The following KCNT2 variants were observed in gnomAD, a reference collection of about 807,000 sequenced individuals.
The protein encoded by KCNT2 is potassium sodium-activated channel subfamily T member 2, also known as potassium channel subfamily T member 2.
KCNT2 carries 67 observed loss-of-function variants against 153.8 expected under a neutral mutation model. The observed-to-expected ratio is 0.44, with a 90% CI of 0.36 to 0.53. The LOEUF (loss-of-function observed/expected upper bound fraction) is 0.53, where lower values mean the gene tolerates loss of function less well. KCNT2 is among the 20% of genes least tolerant of loss of function. The pLI is 0.00. For synonymous variants in KCNT2, 500 were observed against 458.8 expected, an observed-to-expected ratio of 1.09 and a Z score of -1.15; for missense variants, 975 against 1,354.8, an observed-to-expected ratio of 0.72 and a Z score of 4.40.
At chr1:196,461,316 T>C (rs1029397549) in intron 8 of KCNT2, among the ~76,000 whole-genome samples, 4 of 151,732 alleles carry the variant, frequency 2.6e-5, no homozygotes, top group Admixed American at 1.3e-4. Flanking sequence ...GAGTTTATTT[T>C]GTCTTGAAAT....
chr1:196,464,731 T>C (rs1474606836), intron 8 of KCNT2, among the ~76,000 whole-genome samples: 2 of 151,972 alleles, frequency 1.3e-5, no homozygotes, highest in African/African-American at 4.8e-5. Context: ...TCTATAATTG[T>C]CAAAGTGTGA....
At chr1:196,350,970 C>G (rs1320392676) in intron 14 of KCNT2, among the ~76,000 whole-genome samples, 1 of 152,234 alleles carries the variant, frequency 6.6e-6, no homozygotes, top group African/African-American at 2.4e-5. Context: ...AATCCTTTCC[C>G]CATTGCTTGT....
In KCNT2 at chr1:196,331,272, A is replaced by G. The variant is rs1218557710; in HGVS notation, c.1998-11T>C. On this transcript the variant is annotated splice_polypyrimidine_tract_variant and intron_variant, in intron 17 of 27. Coordinates refer to ENST00000294725, the MANE Select transcript of KCNT2 (RefSeq NM_198503.5). ...TAACCTTTAGCATACCTGTAAAATA[A>G]TACAAAATATTACCCTTGGATAAGG... 1.5e-6 allele frequency: 2 copies of G among 1,318,968 alleles called. No homozygotes were observed. Among genetic ancestry groups the G allele is most frequent in the African/African-American group, 2.9e-5 (2 of 69,098 alleles). 81.7% of individuals were successfully genotyped at this position (1,318,968 alleles called of 1,614,324 possible). A position where few individuals can be genotyped will look rare whatever the true frequency, so the allele number is the denominator to read the frequency against.
intron 1 of KCNT2, among the ~76,000 whole-genome samples, chr1:196,549,050 T>G (rs1657536527): frequency 6.6e-6 from 1 of 152,046 alleles, no homozygotes; most frequent in South Asian, 2.1e-4. Flanking sequence ...ATATACCTAA[T>G]GCTAGATGAC....
chr1:196,288,133 T>A (rs1302628476), intron 22 of KCNT2, among the ~76,000 whole-genome samples: 1 of 141,600 alleles, frequency 7.1e-6, no homozygotes, highest in Non-Finnish European at 1.5e-5. Flanking sequence ...TAAAAAAAAA[T>A]AAATAAATAA....
intron 25 of KCNT2, among the ~76,000 whole-genome samples, chr1:196,273,083 G>A (rs1658218950): frequency 6.6e-6 from 1 of 151,804 alleles, no homozygotes; most frequent in Non-Finnish European, 1.5e-5. Flanking sequence ...AATGCACTAA[G>A]AATAACATAA....
At chr1:196,412,941 A>G (rs981103913) in intron 12 of KCNT2, among the ~76,000 whole-genome samples, 2 of 151,646 alleles carry the variant, frequency 1.3e-5, no homozygotes, top group African/African-American at 4.8e-5. Flanking sequence ...TGTAAAATTG[A>G]GATTGAAAGC....
chr1:196,263,303 G>T (rs974701728), intron 25 of KCNT2, among the ~76,000 whole-genome samples: 1 of 151,946 alleles, frequency 6.6e-6, no homozygotes, highest in Non-Finnish European at 1.5e-5. Context: ...ATACTATGCA[G>T]CCATAAAAAA....
intron 12 of KCNT2, among the ~76,000 whole-genome samples, chr1:196,403,371 G>A (rs1161730773): frequency 2.0e-5 from 3 of 151,596 alleles, no homozygotes; most frequent in Non-Finnish European, 4.4e-5. Flanking sequence ...ATAGTACAGA[G>A]GTCAGTGGTT....
At chr1:196,575,877 C>T (rs956508380) in intron 1 of KCNT2, among the ~76,000 whole-genome samples, 9 of 150,568 alleles carry the variant, frequency 6.0e-5, no homozygotes, top group Admixed American at 6.7e-5. Flanking sequence ...ACTTGGGAGG[C>T]TGAGACACAA....
chr1:196,270,426 G>A (rs1389092167), intron 25 of KCNT2, among the ~76,000 whole-genome samples: 1 of 152,032 alleles, frequency 6.6e-6, no homozygotes, highest in East Asian at 1.9e-4. Context: ...AAAAAATTAA[G>A]TATGTATGCT....
At chr1:196,514,845 C>T (rs560451027) in intron 1 of KCNT2, among the ~76,000 whole-genome samples, 7 of 152,116 alleles carry the variant, frequency 4.6e-5, no homozygotes, top group South Asian at 2.1e-4. Context: ...TTTAGAATCG[C>T]GAAACTATTT....
intron 25 of KCNT2, chr1:196,273,450 C>G: frequency 6.6e-7 from 1 of 1,518,548 alleles, no homozygotes; most frequent in Non-Finnish European, 8.8e-7. Context: ...GAAAGGGAAA[C>G]AAACAGAAAA....
At chr1:196,302,223 G>A (rs1661249142) in intron 22 of KCNT2, among the ~76,000 whole-genome samples, 1 of 152,052 alleles carries the variant, frequency 6.6e-6, no homozygotes, top group African/African-American at 2.4e-5. Context: ...TGGAAATAGA[G>A]ATCAGTTTTC....
intron 22 of KCNT2, among the ~76,000 whole-genome samples, chr1:196,300,673 G>C (rs1338688343): frequency 6.6e-6 from 1 of 152,082 alleles, no homozygotes; most frequent in Non-Finnish European, 1.5e-5. Flanking sequence ...TCCATGCCTA[G>C]GCATACAAAT....
chr1:196,381,550 C>A (rs952217581), intron 13 of KCNT2, among the ~76,000 whole-genome samples: 1 of 152,050 alleles, frequency 6.6e-6, no homozygotes, highest in African/African-American at 2.4e-5. Flanking sequence ...ATATTCAGAA[C>A]AGTGAAGTAA....
At chr1:196,535,872 T>A (rs900008716) in intron 1 of KCNT2, among the ~76,000 whole-genome samples, 6 of 152,216 alleles carry the variant, frequency 3.9e-5, no homozygotes, top group African/African-American at 1.4e-4. Flanking sequence ...ACACATGGCA[T>A]TGGATACATA....
At chr1:196,315,335 G>C (rs138240547) in intron 21 of KCNT2, among the ~76,000 whole-genome samples, 1 of 151,572 alleles carries the variant, frequency 6.6e-6, no homozygotes, top group African/African-American at 2.4e-5. Context: ...CTCTAGTCAG[G>C]ATTGTTTACT....
chr1:196,473,405 C>T (rs1421335124), intron 5 of KCNT2, among the ~76,000 whole-genome samples: 2 of 152,176 alleles, frequency 1.3e-5, no homozygotes, highest in Admixed American at 6.5e-5. Flanking sequence ...ATTGCATGCT[C>T]TACTCCTAGC....
Sources: allele counts gnomAD v4.1 joint callset (sites outside exome capture counted in the v4.1 genomes callset), GRCh38; gene constraint gnomAD v4.1.1; transcripts MANE v1.5; gene names NCBI Gene and HGNC (gene_info 2026-07-23, HGNC 2026-07-21).